The following CFAP54 variants were observed in gnomAD, a reference collection of about 807,000 sequenced individuals.
CFAP54 encodes cilia and flagella associated protein 54.
CFAP54 carries 290 observed loss-of-function variants against 370.4 expected under a neutral mutation model. That is an observed-to-expected ratio of 0.78 (90% CI 0.71 to 0.86). The LOEUF (loss-of-function observed/expected upper bound fraction) is 0.86. CFAP54 is among the 40% of genes least tolerant of loss of function. The pLI, the probability that CFAP54 is intolerant of heterozygous loss-of-function variation, is 0.00. For synonymous variants in CFAP54, 1,206 were observed against 1,236.5 expected, an observed-to-expected ratio of 0.98 and a Z score of 0.52; for missense variants, 3,399 against 3,528.7, an observed-to-expected ratio of 0.96 and a Z score of 0.93.
chr12:96,536,626 C>CT (rs10638883), intron 12 of CFAP54, among the ~76,000 whole-genome samples: 3,469 of 138,148 alleles, frequency 0.025, 102 homozygotes, highest in African/African-American at 0.058. Context: ...TTTTCTTTTT[C>CT]TTTTTTTTTT....
chr12:96,572,942 A>T, intron 19 of CFAP54: 1 of 985,432 alleles, frequency 1.0e-6, no homozygotes, highest in Non-Finnish European at 1.2e-6. Flanking sequence ...GCAAGAATTA[A>T]GTCAGAAGGT....
chr12:96,779,354 C>G (rs1248948536), intron 60 of CFAP54, among the ~76,000 whole-genome samples: 2 of 151,976 alleles, frequency 1.3e-5, no homozygotes, highest in South Asian at 2.1e-4. Context: ...TTCTGTTCAC[C>G]CCTATGTTTG....
In CFAP54 at chr12:96,510,534, G is replaced by A. The variant is rs138266316; in HGVS notation, c.740-2452G>A. 5.1e-3 allele frequency among the ~76,000 whole-genome samples: 782 copies of A among 152,208 alleles called. 11 individuals carry two copies. Among genetic ancestry groups the A allele is most frequent in the African/African-American group, 0.018 (738 of 41,514 alleles). On this transcript the variant is annotated intron_variant, in intron 4 of 67. Transcript: ENST00000524981. ...GCCTTCCTCAGTTCCCCAGTTCCCC[G>A]TTACTGGCATGTTTATACAGGCTCC... is the stretch of plus-strand genomic sequence containing the variant.
At chr12:96,564,039 G>A (rs1016826959) in intron 17 of CFAP54, among the ~76,000 whole-genome samples, 1 of 152,164 alleles carries the variant, frequency 6.6e-6, no homozygotes, top group Non-Finnish European at 1.5e-5. Flanking sequence ...AGGTCTTCGT[G>A]TGTTACCCAG....
chr12:96,527,455 T>C lies in CFAP54; in HGVS notation c.1357+11T>C. On this transcript the variant is annotated intron_variant, in intron 9 of 67. Coordinates refer to ENST00000524981, the MANE Select transcript of CFAP54 (RefSeq NM_001306084.2). ...AAGAACTTTTGATAAGTAAATAAGATGTTAAGATATTGTTTTATGATAGAA... is the reference window on the plus strand; with the variant it reads ...AAGAACTTTTGATAAGTAAATAAGACGTTAAGATATTGTTTTATGATAGAA... The C allele has an allele frequency of 6.7e-7, 1 of 1,491,824 alleles. No homozygotes were observed. The highest frequency in any genetic ancestry group is 8.9e-7 in the Non-Finnish European group (1 of 1,120,266). 92.4% of individuals were successfully genotyped at this position (1,491,824 alleles called of 1,614,324 possible).
At chr12:96,684,945 GGTGTATTTGCTTTCCCTTCTGGA>G (rs1333747473) in intron 41 of CFAP54, 61 bp from the exon 42 acceptor site, 1 of 1,308,196 alleles carries the variant, frequency 7.6e-7, no homozygotes, top group Non-Finnish European at 1.1e-6. Flanking sequence ...ACGTTGCTTC[GGTGTATTTGCTTTCCCTTCTGGA>G]AGATAGATTT....
chr12:96,521,991 A>G, intron 7 of CFAP54, 21 bp downstream of exon 7: 1 of 1,525,396 alleles, frequency 6.6e-7, no homozygotes, highest in Non-Finnish European at 8.8e-7. Context: ...TTCATGAAAT[A>G]AAAGAAATTT....
intron 9 of CFAP54, among the ~76,000 whole-genome samples, chr12:96,529,395 C>G (rs1955416644): frequency 6.6e-6 from 1 of 152,118 alleles, no homozygotes; most frequent in African/African-American, 2.4e-5. Flanking sequence ...TGTGGAATTG[C>G]AAGAGCATGG....
At chr12:96,753,612 G>A in intron 55 of CFAP54, 131 bp from the exon 56 acceptor site, 1 of 819,710 alleles carries the variant, frequency 1.2e-6, no homozygotes, top group Non-Finnish European at 1.9e-6. Context: ...TTTCTTGGAT[G>A]CTAAAAACTG....
chr12:96,614,838 C>T (rs1371588663), intron 26 of CFAP54, among the ~76,000 whole-genome samples: 3 of 152,126 alleles, frequency 2.0e-5, no homozygotes, highest in African/African-American at 4.8e-5. Context: ...GAACTACAAA[C>T]CACTGCTCAA....
At chr12:96,564,435 CTTAA>C (rs2136410673) in intron 17 of CFAP54, 29 bp from the exon 18 acceptor site, 2 of 681,888 alleles carry the variant, frequency 2.9e-6, no homozygotes, top group Middle Eastern at 4.8e-4. Context: ...TGGATACATA[CTTAA>C]TTGTTATGAC....
chr12:96,594,506 T>C, intron 25 of CFAP54, 60 bp downstream of exon 25: 2 of 1,297,472 alleles, frequency 1.5e-6, no homozygotes, highest in East Asian at 2.6e-5. Flanking sequence ...TAACAATTCA[T>C]TTTAGAAAAG....
In CFAP54 at chr12:96,828,994, T is replaced by G; in HGVS notation, c.9097-20T>G. ...TCTAATAATATCAACCTCACTGTAT[T>G]ACTATCTTCTTATTTCTAGGACATG... is the stretch of plus-strand genomic sequence containing the variant. On this transcript the variant is annotated intron_variant, in intron 65 of 67. Coordinates refer to ENST00000524981, the MANE Select transcript of CFAP54 (RefSeq NM_001306084.2). The G allele has an allele frequency of 7.5e-7, 1 of 1,330,768 alleles. No homozygotes were observed. Among genetic ancestry groups the G allele is most frequent in the African/African-American group, 1.5e-5 (1 of 68,904 alleles). 82.4% of individuals were successfully genotyped at this position (1,330,768 alleles called of 1,614,324 possible). A position where few individuals can be genotyped will look rare whatever the true frequency, so the allele number is the denominator to read the frequency against.
chr12:96,681,118 C>G (rs1354788927), intron 40 of CFAP54, among the ~76,000 whole-genome samples: 1 of 139,446 alleles, frequency 7.2e-6, no homozygotes, highest in African/African-American at 2.6e-5. Flanking sequence ...AAAGCACCCC[C>G]CCACACACAC....
At chr12:96,503,861 T>G in intron 2 of CFAP54, 25 bp from the exon 3 acceptor site, 1 of 1,460,968 alleles carries the variant, frequency 6.8e-7, no homozygotes, top group Non-Finnish European at 9.0e-7. Flanking sequence ...TTTGGAACTT[T>G]AATCAAGTAC....
chr12:96,748,420 G>C (rs989308274), intron 55 of CFAP54, among the ~76,000 whole-genome samples: 9 of 152,030 alleles, frequency 5.9e-5, no homozygotes, highest in African/African-American at 1.9e-4. Flanking sequence ...AAGTGCTGCT[G>C]TTCTTCTTCC....
At chr12:96,804,703 CA>C (rs769614838) in intron 63 of CFAP54, among the ~76,000 whole-genome samples, 23 of 151,702 alleles carry the variant, frequency 1.5e-4, no homozygotes, top group Non-Finnish European at 3.4e-4. Flanking sequence ...AAGCAATCTA[CA>C]GGTTCAATAT....
At position 96,743,440 on chromosome 12, in the gene CFAP54, G is replaced by A; in HGVS notation, c.7258G>A (p.Val2420Met). 1 of 1,614,030 alleles carries A rather than the reference G, an allele frequency of 6.2e-7. No homozygotes were observed. The highest frequency in any genetic ancestry group is 8.5e-7 in the Non-Finnish European group (1 of 1,179,948). ...MTDCLSLINE[V>M]CMEAKSAGDT... ...AGATTGCCTGAGCCTCATCAATGAA[G>A]TGTGTATGGAGGCAAAAAGCGCAGG... The change falls in exon 53 of 68, where the codon GTG (valine) becomes ATG (methionine). Residue 2420 changes from valine to methionine, a missense_variant. Coordinates refer to ENST00000524981, the MANE Select transcript of CFAP54 (RefSeq NM_001306084.2).
chr12:96,767,023 T>C (rs1022892954), intron 60 of CFAP54, among the ~76,000 whole-genome samples: 11 of 152,178 alleles, frequency 7.2e-5, no homozygotes, highest in Non-Finnish European at 1.3e-4. Context: ...TCATGGTAGA[T>C]ACCAGAGCAA....
Sources: gnomAD v4.1 joint callset for allele counts (sites outside exome capture counted in the v4.1 genomes callset) on GRCh38, gnomAD v4.1.1 for gene constraint, MANE v1.5 for transcripts, NCBI Gene and HGNC (gene_info 2026-07-23, HGNC 2026-07-21) for gene names.